The following CRYBA4 variants were observed in gnomAD, a reference collection of about 807,000 sequenced individuals.
CRYBA4 encodes the protein beta-crystallin A4.
A neutral mutation model predicts 31.7 loss-of-function variants in CRYBA4; 30 were observed. The observed-to-expected ratio is 0.95, with a 90% CI of 0.71 to 1.28. The LOEUF (loss-of-function observed/expected upper bound fraction) is 1.28. Among genes scored for constraint, CRYBA4 ranks in the 50% most tolerant of loss-of-function variants. The pLI is 0.00. For synonymous variants in CRYBA4, 102 were observed against 102.3 expected, an observed-to-expected ratio of 1.00 and a Z score of 0.02; for missense variants, 225 against 260.7, an observed-to-expected ratio of 0.86 and a Z score of 0.94.
At chr22:26,611,950 A>G in the CRYBA4 span, 3 of 767,358 alleles carry the variant, frequency 3.9e-6, no homozygotes, top group African/African-American at 3.4e-5. Context: ...ATTGGACATA[A>G]TGTATGTGCC....
At chr22:26,626,761 T>C (rs1929714889) in intron 4 of CRYBA4, among the ~76,000 whole-genome samples, 1 of 152,198 alleles carries the variant, frequency 6.6e-6, no homozygotes, top group African/African-American at 2.4e-5. Flanking sequence ...ATTTCGGATT[T>C]TTAGGTTAGG....
At chr22:26,628,973 C>T (rs898332069) in intron 5 of CRYBA4, among the ~76,000 whole-genome samples, 1 of 152,190 alleles carries the variant, frequency 6.6e-6, no homozygotes, top group East Asian at 1.9e-4. Context: ...GATTCAGCCT[C>T]ATTTTCTCAC....
Position 26,630,514 on chromosome 22 carries a change from T to G in CRYBA4, c.*27T>G. The G allele has an allele frequency of 6.2e-7, 1 of 1,603,266 alleles. No individual in the cohort carries two copies. Among genetic ancestry groups the G allele is most frequent in the Non-Finnish European group, 8.5e-7 (1 of 1,175,198 alleles). ...CAGGGGTGCGGCACGGAGGAGCGCATGCGTGCTTATCTGCAATGGAGGCGC... is the reference window on the plus strand; with the variant it reads ...CAGGGGTGCGGCACGGAGGAGCGCAGGCGTGCTTATCTGCAATGGAGGCGC... On this transcript the variant is annotated 3_prime_UTR_variant, in exon 6 of 6. Transcript: ENST00000354760.
intron 5 of CRYBA4, among the ~76,000 whole-genome samples, chr22:26,629,734 C>CAAAAAAAAAGAAA (rs1929863074): frequency 1.2e-5 from 1 of 80,600 alleles, no homozygotes; most frequent in African/African-American, 4.1e-5. Context: ...GACTCTGTCT[C>CAAAAAAAAAGAAA]AAAAAAAAAA....
the CRYBA4 span, among the ~76,000 whole-genome samples, chr22:26,614,102 C>A: frequency 7.2e-5 from 11 of 152,212 alleles, no homozygotes; most frequent in African/African-American, 2.2e-4. Flanking sequence ...AAGATGTTAT[C>A]AATGACAATG....
At chr22:26,611,892 G>A in the CRYBA4 span, among the ~76,000 whole-genome samples, 9 of 152,228 alleles carry the variant, frequency 5.9e-5, no homozygotes, top group South Asian at 2.1e-4. Flanking sequence ...TTCCTCATCC[G>A]TAAAATGAGA....
At chr22:26,595,471 C>G in the CRYBA4 span, among the ~76,000 whole-genome samples, 1 of 151,470 alleles carries the variant, frequency 6.6e-6, no homozygotes, top group South Asian at 2.1e-4. Context: ...CCCAGCTACT[C>G]GGGAGGCTGA....
upstream of CRYBA4, among the ~76,000 whole-genome samples, chr22:26,619,635 C>T (rs183200778): frequency 7.9e-5 from 12 of 152,374 alleles, no homozygotes; most frequent in African/African-American, 2.9e-4. Flanking sequence ...TGTCCCTCCA[C>T]CACCCAGCAC....
At chr22:26,616,031 G>T in the CRYBA4 span, 4 of 861,114 alleles carry the variant, frequency 4.6e-6, no homozygotes, top group Admixed American at 1.8e-5. Flanking sequence ...GGAGAAAGAG[G>T]TGCGGAGGAG....
the CRYBA4 span, among the ~76,000 whole-genome samples, chr22:26,603,792 C>T: frequency 6.6e-6 from 1 of 151,666 alleles, no homozygotes. Flanking sequence ...GGCGTGGTGG[C>T]ACGCACCTGT....
intron 3 of CRYBA4, among the ~76,000 whole-genome samples, chr22:26,624,533 G>A (rs1929645354): frequency 6.6e-6 from 1 of 152,220 alleles, no homozygotes; most frequent in African/African-American, 2.4e-5. Flanking sequence ...TGCCACCTGA[G>A]GTCATCTTGG....
At chr22:26,610,632 G>A in the CRYBA4 span, among the ~76,000 whole-genome samples, 1 of 152,178 alleles carries the variant, frequency 6.6e-6, no homozygotes, top group Non-Finnish European at 1.5e-5. Flanking sequence ...GTCCCGGGTA[G>A]CCTCCAGGAT....
chr22:26,627,364 CTTTCTTTCTT>C (rs1569211590), intron 4 of CRYBA4, among the ~76,000 whole-genome samples: 1 of 30,308 alleles, frequency 3.3e-5, no homozygotes, highest in African/African-American at 1.7e-4. Flanking sequence ...TCCCTCCTTT[CTTTCTTTCTT>C]TCTTTCTTTC....
At chr22:26,615,814 C>T in the CRYBA4 span, among the ~76,000 whole-genome samples, 5 of 152,086 alleles carry the variant, frequency 3.3e-5, no homozygotes, top group Non-Finnish European at 5.9e-5. Context: ...GCGCCCGGCC[C>T]CACTTTCTCC....
In CRYBA4 at chr22:26,628,268, T is replaced by C. The variant is rs2145983984; in HGVS notation, c.301-20T>C. ...CCAACTGGGAGCCTGCTGGTCTGAC[T>C]GTGTTCCCTGTTCCTGTAGAACCAC... On this transcript the variant is annotated intron_variant, in intron 4 of 5. Transcript: ENST00000354760. The C allele has an allele frequency of 6.2e-7, 1 of 1,613,852 alleles. No homozygotes were observed. Among genetic ancestry groups the C allele is most frequent in the African/African-American group, 1.3e-5 (1 of 75,010 alleles).
At chr22:26,629,446 A>T (rs1469714512) in intron 5 of CRYBA4, among the ~76,000 whole-genome samples, 1 of 152,096 alleles carries the variant, frequency 6.6e-6, no homozygotes, top group Non-Finnish European at 1.5e-5. Context: ...AACAGAGTAG[A>T]AATCAATGAG....
At chr22:26,597,632 C>T in the CRYBA4 span, among the ~76,000 whole-genome samples, 1 of 152,162 alleles carries the variant, frequency 6.6e-6, no homozygotes, top group Non-Finnish European at 1.5e-5. Context: ...CACCCCGTTC[C>T]ACCAGGCTGT....
the CRYBA4 span, chr22:26,590,280 C>T: frequency 6.6e-6 from 1 of 151,586 alleles, no homozygotes; most frequent in East Asian, 2.0e-4. Context: ...GGAGGCTCGC[C>T]CCGGGAACCC....
chr22:26,592,031 T>G, the CRYBA4 span, among the ~76,000 whole-genome samples: 1 of 152,168 alleles, frequency 6.6e-6, no homozygotes, highest in Non-Finnish European at 1.5e-5. Context: ...AAATAGTTAG[T>G]GCTTGCCTTA....
Sources: gnomAD v4.1 joint callset for allele counts (sites outside exome capture counted in the v4.1 genomes callset) on GRCh38, gnomAD v4.1.1 for gene constraint, MANE v1.5 for transcripts, NCBI Gene and HGNC (gene_info 2026-07-23, HGNC 2026-07-21) for gene names.